The following MEMO1 variants were observed in gnomAD, a reference collection of about 807,000 sequenced individuals.
MEMO1 encodes the protein protein MEMO1.
A neutral mutation model predicts 45.2 loss-of-function variants in MEMO1; 6 were observed. The ratio of observed to expected loss-of-function variants is 0.13; its 90% CI spans 0.07 to 0.26. The LOEUF is 0.26. Ranked by LOEUF, MEMO1 falls within the 10% of genes least tolerant of loss-of-function variation. The pLI, the probability that MEMO1 is intolerant of heterozygous loss-of-function variation, is 1.00. For missense variants in MEMO1, 184 were observed against 370.5 expected (o/e 0.50, Z 4.13); for synonymous variants, 78 against 124.3 (o/e 0.63, Z 2.48).
intron 7 of MEMO1, among the ~76,000 whole-genome samples, chr2:31,885,508 T>C (rs919936093): frequency 6.6e-6 from 1 of 152,236 alleles, no homozygotes; most frequent in Non-Finnish European, 1.5e-5. Flanking sequence ...ATCGATTCAA[T>C]TCATTTGATA....
intron 2 of MEMO1, among the ~76,000 whole-genome samples, chr2:32,001,402 A>T (rs1673302407): frequency 6.6e-6 from 1 of 152,006 alleles, no homozygotes; most frequent in African/African-American, 2.4e-5. Flanking sequence ...AAAATATACC[A>T]ATTATTTTGT....
At chr2:31,908,473 A>G (rs1374905013) in intron 6 of MEMO1, among the ~76,000 whole-genome samples, 9 of 152,210 alleles carry the variant, frequency 5.9e-5, no homozygotes, top group East Asian at 5.8e-4. Flanking sequence ...TTAAAAACCA[A>G]TAACTCTTAT....
chr2:31,947,137 C>T (rs773983294), intron 2 of MEMO1, among the ~76,000 whole-genome samples: 6 of 152,170 alleles, frequency 3.9e-5, no homozygotes, highest in African/African-American at 1.2e-4. Context: ...ACCCTAAAAA[C>T]GTTCACAACA....
intron 6 of MEMO1, among the ~76,000 whole-genome samples, chr2:31,895,373 T>A (rs1298976990): frequency 6.6e-6 from 1 of 152,146 alleles, no homozygotes; most frequent in Non-Finnish European, 1.5e-5. Context: ...CAGGAAGCCA[T>A]GCTCAAAGTT....
In MEMO1 at chr2:31,980,616, T is replaced by A. The variant is rs182543173; in HGVS notation, c.61+29571A>T. Among the ~76,000 whole-genome samples the A allele has an allele frequency of 6.6e-5, 10 of 152,238 alleles. No homozygotes were observed. The East Asian group carries it at 1.9e-3, about 29-fold the overall frequency. ...ACTATTTTACCAATCCTATATAAGA[T>A]GATATAGGATACAGTTTTAGCCTCC... On this transcript the variant is annotated intron_variant, in intron 2 of 9. Coordinates refer to ENST00000404530, the MANE Select transcript of MEMO1 (RefSeq NM_001301833.4).
Position 31,973,132 on chromosome 2 carries a change from A to G in MEMO1, c.62-29749T>C, listed in dbSNP as rs539935368. ...AACACAGAATTGCCACTGACCCACC[A>G]ATTCCACTCTTAGGTATATATCTAA... On this transcript the variant is annotated intron_variant, in intron 2 of 9. Transcript: ENST00000404530. Among the ~76,000 whole-genome samples, 3 of 152,308 alleles carry G rather than the reference A, an allele frequency of 2.0e-5. No homozygotes were observed. The South Asian group carries it at 6.2e-4, about 32-fold the overall frequency.
At chr2:31,969,481 T>G (rs1669053794) in intron 2 of MEMO1, among the ~76,000 whole-genome samples, 1 of 151,690 alleles carries the variant, frequency 6.6e-6, no homozygotes, top group Non-Finnish European at 1.5e-5. Context: ...GATCTCATTT[T>G]TATAGACAGA....
rs1165040531 is a variant in MEMO1, at chr2:32,000,173, A to C, written c.61+10014T>G. On this transcript the variant is annotated intron_variant, in intron 2 of 9. Transcript: ENST00000404530. ...AGTGCTGGGATCACAGACCTGAGCC[A>C]CAGCACCCAGCTCAAGTCTTTACTC... Among the ~76,000 whole-genome samples, 6 of 151,866 alleles carry C rather than the reference A, an allele frequency of 4.0e-5. No homozygotes were observed. The South Asian group carries it at 6.2e-4, about 16-fold the overall frequency.
intron 4 of MEMO1, among the ~76,000 whole-genome samples, chr2:31,925,684 T>C (rs377532866): frequency 6.6e-6 from 1 of 152,108 alleles, no homozygotes; most frequent in African/African-American, 2.4e-5. Flanking sequence ...ATTTACTTTT[T>C]TCATTTGCAC....
intron 3 of MEMO1, among the ~76,000 whole-genome samples, chr2:31,936,994 C>T (rs1664989969): frequency 6.6e-6 from 1 of 152,176 alleles, no homozygotes; most frequent in Admixed American, 6.5e-5. Context: ...AAGGTAAGAT[C>T]TAAAAAGCTA....
chr2:31,908,513 G>A (rs928212336), intron 6 of MEMO1, among the ~76,000 whole-genome samples: 1 of 152,044 alleles, frequency 6.6e-6, no homozygotes, highest in African/African-American at 2.4e-5. Flanking sequence ...AGGTGACAGA[G>A]CAAACCAATG....
chr2:31,972,910 A>G (rs1669576785), intron 2 of MEMO1, among the ~76,000 whole-genome samples: 1 of 152,226 alleles, frequency 6.6e-6, no homozygotes, highest in South Asian at 2.1e-4. Flanking sequence ...AAAGATGATC[A>G]TCCTTTTTAG....
At chr2:31,931,080 C>T (rs1452189199) in intron 4 of MEMO1, among the ~76,000 whole-genome samples, 1 of 152,052 alleles carries the variant, frequency 6.6e-6, no homozygotes, top group Non-Finnish European at 1.5e-5. Context: ...ATAAATGAGA[C>T]AGGGCTAGCC....
rs1465203281 is a variant in MEMO1 at position 31,917,934 on chromosome 2, G to A, written c.429C>T (p.Ala143=). The A allele has an allele frequency of 6.3e-7, 1 of 1,592,538 alleles. No individual in the cohort carries two copies. Among genetic ancestry groups the A allele is most frequent in the Non-Finnish European group, 8.6e-7 (1 of 1,168,572 alleles). The change falls in exon 6 of 10, where the codon GCC becomes GCT. Residue 143 remains alanine, a synonymous_variant. Transcript: ENST00000404530. The stretch of plus-strand genomic sequence containing the variant: ...TATATCAATCAATATACCTTTCCAT[G>A]GCTTTAGCTGTATAAGGCAAATGCA... The part of the protein sequence containing the change: ...IEMHLPYTAK[A]MESHKDEFTI...
chr2:31,961,074 A>T (rs902670872), intron 2 of MEMO1, among the ~76,000 whole-genome samples: 1 of 152,224 alleles, frequency 6.6e-6, no homozygotes, highest in Non-Finnish European at 1.5e-5. Context: ...AGGAGGCAAG[A>T]GGCCAGGTGC....
chr2:31,982,508 T>A (rs1670765721), intron 2 of MEMO1, among the ~76,000 whole-genome samples: 2 of 149,476 alleles, frequency 1.3e-5, no homozygotes, highest in Non-Finnish European at 3.0e-5. Context: ...GAGAATCGTT[T>A]GAACCCAGGA....
chr2:31,900,646 G>A (rs774424099), intron 6 of MEMO1, among the ~76,000 whole-genome samples: 3 of 151,544 alleles, frequency 2.0e-5, no homozygotes, highest in South Asian at 2.1e-4. Context: ...AAACCTGCAC[G>A]TTCTGCACTG....
chr2:31,975,325 A>G (rs1160121488), intron 2 of MEMO1, among the ~76,000 whole-genome samples: 1 of 152,262 alleles, frequency 6.6e-6, no homozygotes, highest in African/African-American at 2.4e-5. Context: ...CTCCTGAGAC[A>G]AAGCTCCTTT....
intron 2 of MEMO1, among the ~76,000 whole-genome samples, chr2:31,991,526 GC>G (rs1671945221): frequency 6.9e-6 from 1 of 145,108 alleles, no homozygotes; most frequent in Admixed American, 7.1e-5. Context: ...AGCCAAGATC[GC>G]CCCATTGTAC....
Sources: gnomAD v4.1 joint callset for allele counts (sites outside exome capture counted in the v4.1 genomes callset) on GRCh38, gnomAD v4.1.1 for gene constraint, MANE v1.5 for transcripts, NCBI Gene and HGNC (gene_info 2026-07-23, HGNC 2026-07-21) for gene names.